Variants in DYRK1A observed in about 807,000 individuals in gnomAD.
DYRK1A encodes dual specificity tyrosine phosphorylation regulated kinase 1A.
Under a neutral mutation model 79.7 loss-of-function variants are expected in DYRK1A, and 9 were observed. That is an observed-to-expected ratio of 0.11 (90% CI 0.07 to 0.20). The LOEUF is 0.20. Ranked by LOEUF, DYRK1A falls within the 10% of genes least tolerant of loss-of-function variation. DYRK1A has a pLI of 1.00. For missense variants in DYRK1A, 622 were observed against 956.0 expected, an observed-to-expected ratio of 0.65 and a Z score of 4.61; for synonymous variants, 349 against 329.7, an observed-to-expected ratio of 1.06 and a Z score of -0.63.
chr21:37,412,383 T>G (rs2050260600), intron 1 of DYRK1A, among the ~76,000 whole-genome samples: 1 of 152,240 alleles, frequency 6.6e-6, no homozygotes, highest in African/African-American at 2.4e-5. Flanking sequence ...CGGATACAGC[T>G]TTTTAAGCAC....
intron 1 of DYRK1A, among the ~76,000 whole-genome samples, chr21:37,413,221 C>G (rs1299893836): frequency 6.6e-6 from 1 of 152,102 alleles, no homozygotes; most frequent in Admixed American, 6.6e-5. Context: ...GTAAGCTATT[C>G]ATGCAGTGTG....
At chr21:37,411,051 A>T (rs1405536495) in intron 1 of DYRK1A, among the ~76,000 whole-genome samples, 7 of 37,550 alleles carry the variant, frequency 1.9e-4, no homozygotes, top group African/African-American at 5.8e-4. Context: ...TCTGTCTTTA[A>T]AAAAAAAAAA....
intron 4 of DYRK1A, among the ~76,000 whole-genome samples, chr21:37,479,619 GTTTTT>G (rs565080496): frequency 3.4e-4 from 25 of 73,924 alleles, no homozygotes; most frequent in African/African-American, 1.3e-3. Flanking sequence ...TTTGTTTTTT[GTTTTT>G]TTTTTTTTTT....
chr21:37,488,654 A>G (rs747536470), intron 6 of DYRK1A: 30 of 985,292 alleles, frequency 3.0e-5, no homozygotes, highest in Non-Finnish European at 3.5e-5. Context: ...AGTGCTCAGC[A>G]CACTGTAGAT....
chr21:37,511,232 G>A (rs972328246), intron 11 of DYRK1A, among the ~76,000 whole-genome samples: 2 of 152,136 alleles, frequency 1.3e-5, no homozygotes, highest in African/African-American at 4.8e-5. Flanking sequence ...TATCCATTTG[G>A]GTTTATTTTG....
chr21:37,520,360 T>G lies in DYRK1A; in HGVS notation c.*7829T>G, dbSNP rs2053926192. The G allele has an allele frequency of 6.6e-6, 1 of 152,236 alleles. No homozygotes were observed. Among genetic ancestry groups the G allele is most frequent in the African/African-American group, 2.4e-5 (1 of 41,456 alleles). The allele number at this position is 152,236 out of a possible 1,614,324, so 9.4% of individuals were successfully genotyped here. A position where few individuals can be genotyped will look rare whatever the true frequency, so the allele number is the denominator to read the frequency against. The stretch of plus-strand genomic sequence containing the variant: ...ACAGGGATATTATCGGGGAAGCTTT[T>G]GAAATGTAATAGGTTGTAACCCACA... On this transcript the variant is annotated 3_prime_UTR_variant, in exon 12 of 12. Coordinates refer to ENST00000647188, the MANE Select transcript of DYRK1A (RefSeq NM_001347721.2).
At chr21:37,374,135 G>A (rs562626388) in intron 1 of DYRK1A, among the ~76,000 whole-genome samples, 2 of 152,074 alleles carry the variant, frequency 1.3e-5, no homozygotes, top group African/African-American at 4.8e-5. Flanking sequence ...CTTGATTGCT[G>A]TGCTTGTATC....
At chr21:37,415,832 T>A (rs763387254) in intron 1 of DYRK1A, among the ~76,000 whole-genome samples, 11 of 152,164 alleles carry the variant, frequency 7.2e-5, no homozygotes, top group Non-Finnish European at 1.5e-4. Flanking sequence ...ATTTTTCTAC[T>A]AGATGAACTT....
chr21:37,455,639 G>T (rs980031397), intron 2 of DYRK1A, among the ~76,000 whole-genome samples: 26 of 152,110 alleles, frequency 1.7e-4, no homozygotes, highest in Admixed American at 4.6e-4. Context: ...CCTTTCTTTT[G>T]CTGACAATTC....
chr21:37,507,982 ACTTC>A (rs542547206), intron 11 of DYRK1A, among the ~76,000 whole-genome samples: 162 of 152,082 alleles, frequency 1.1e-3, no homozygotes, highest in Non-Finnish European at 1.9e-3. Flanking sequence ...CATCATTTTC[ACTTC>A]CTTCCCAACG....
At chr21:37,460,554 C>T (rs1485285349) in intron 2 of DYRK1A, among the ~76,000 whole-genome samples, 2 of 152,188 alleles carry the variant, frequency 1.3e-5, no homozygotes, top group Non-Finnish European at 2.9e-5. Flanking sequence ...TTAATTTCAC[C>T]TCCAGACTTT....
At chr21:37,448,050 C>T (rs182336351) in intron 2 of DYRK1A, among the ~76,000 whole-genome samples, 3 of 152,226 alleles carry the variant, frequency 2.0e-5, no homozygotes, top group East Asian at 3.9e-4. Context: ...TTAACTTCTA[C>T]TTAGTAATTT....
intron 1 of DYRK1A, among the ~76,000 whole-genome samples, chr21:37,380,873 G>GTA (rs1441233359): frequency 6.6e-6 from 1 of 152,226 alleles, no homozygotes; most frequent in Non-Finnish European, 1.5e-5. Flanking sequence ...TCTGGATCAT[G>GTA]TGACTGTACC....
chr21:37,440,130 CTTT>C (rs1164986221), intron 2 of DYRK1A, among the ~76,000 whole-genome samples: 44 of 37,758 alleles, frequency 1.2e-3, no homozygotes, highest in East Asian at 6.0e-3. Flanking sequence ...TTGTTTGCTC[CTTT>C]TTTTTTTTTT....
At chr21:37,479,536 T>A (rs975647610) in intron 4 of DYRK1A, among the ~76,000 whole-genome samples, 2 of 150,230 alleles carry the variant, frequency 1.3e-5, no homozygotes, top group Non-Finnish European at 2.9e-5. Context: ...CTGGACTGTT[T>A]CCTAGTTCAT....
chr21:37,400,181 G>A (rs764163312), intron 1 of DYRK1A, among the ~76,000 whole-genome samples: 10 of 152,090 alleles, frequency 6.6e-5, no homozygotes, highest in South Asian at 2.1e-4. Flanking sequence ...TCTCTCCTGC[G>A]ATGGTTGTGT....
At chr21:37,371,524 T>A (rs2148353469) in intron 1 of DYRK1A, among the ~76,000 whole-genome samples, 1 of 152,362 alleles carries the variant, frequency 6.6e-6, no homozygotes, top group Admixed American at 6.5e-5. Context: ...GGCATATATG[T>A]TTTGCTAATG....
At chr21:37,495,247 C>T (rs558728537) in intron 8 of DYRK1A, among the ~76,000 whole-genome samples, 16 of 150,988 alleles carry the variant, frequency 1.1e-4, no homozygotes, top group African/African-American at 2.2e-4. Context: ...CCGTACCTCA[C>T]GCCTGTAATC....
Position 37,520,864 on chromosome 21 carries a change from C to T in DYRK1A, c.*8333C>T, listed in dbSNP as rs769595890. The T allele has an allele frequency of 6.6e-5, 10 of 152,218 alleles. No individual in the cohort carries two copies. The highest frequency in any genetic ancestry group is 1.2e-4 in the Non-Finnish European group (8 of 68,048). 9.4% of individuals were successfully genotyped at this position (152,218 alleles called of 1,614,324 possible). A position where few individuals can be genotyped will look rare whatever the true frequency, so the allele number is the denominator to read the frequency against. ...CTACAGGGCTCAGTGCGCTTGGAGT[C>T]CTGGATTCCTCCAGGACTGCTACTG... On this transcript the variant is annotated 3_prime_UTR_variant, in exon 12 of 12. Transcript: ENST00000647188.
Sources: allele counts gnomAD v4.1 joint callset (sites outside exome capture counted in the v4.1 genomes callset), GRCh38; gene constraint gnomAD v4.1.1; transcripts MANE v1.5; gene names NCBI Gene and HGNC (gene_info 2026-07-23, HGNC 2026-07-21).